The following KAZN variants were observed in gnomAD, a reference collection of about 807,000 sequenced individuals.
KAZN encodes the protein kazrin, periplakin interacting protein, also known as kazrin.
In KAZN, 40 loss-of-function variants were observed where a neutral mutation model predicts 87.4. The observed-to-expected ratio is 0.46, with a 90% CI of 0.36 to 0.60. KAZN has a LOEUF of 0.60. Among genes scored for constraint, KAZN ranks in the 20% least tolerant of loss-of-function variants. The probability of loss-of-function intolerance (pLI) is 0.00; values close to 1 mark genes in which losing one functional copy is unlikely to be tolerated. For synonymous variants in KAZN, 466 were observed against 458.3 expected, an observed-to-expected ratio of 1.02 and a Z score of -0.22; for missense variants, 898 against 1,073.9, an observed-to-expected ratio of 0.84 and a Z score of 2.29.
At chr1:14,186,578 A>G (rs1646310987) in intron 2 of KAZN, among the ~76,000 whole-genome samples, 1 of 152,128 alleles carries the variant, frequency 6.6e-6, no homozygotes, top group Admixed American at 6.5e-5. Context: ...ATCAAGATTC[A>G]AATTCTTGGA....
chr1:14,207,658 T>A (rs1571018047), intron 2 of KAZN, among the ~76,000 whole-genome samples: 1 of 152,196 alleles, frequency 6.6e-6, no homozygotes, highest in African/African-American at 2.4e-5. Context: ...CCCTTTAAAT[T>A]TGGGGGCTGG....
At chr1:14,265,527 G>A (rs867956634) in intron 2 of KAZN, among the ~76,000 whole-genome samples, 2 of 152,224 alleles carry the variant, frequency 1.3e-5, no homozygotes, top group African/African-American at 4.8e-5. Flanking sequence ...GAACAGTCAA[G>A]TGACCACAAG....
chr1:14,721,043 T>C (rs1460658154), intron 1 of KAZN, among the ~76,000 whole-genome samples: 1 of 152,174 alleles, frequency 6.6e-6, no homozygotes, highest in Non-Finnish European at 1.5e-5. Flanking sequence ...AAGAGCACTA[T>C]CTATTTAGGG....
chr1:14,530,529 A>T (rs1017117774), intron 2 of KAZN, among the ~76,000 whole-genome samples: 1 of 152,138 alleles, frequency 6.6e-6, no homozygotes, highest in East Asian at 1.9e-4. Flanking sequence ...CAAATTCCTC[A>T]TGAATGCCTT....
chr1:14,408,313 A>G (rs1664031779), intron 2 of KAZN, among the ~76,000 whole-genome samples: 1 of 152,168 alleles, frequency 6.6e-6, no homozygotes, highest in Non-Finnish European at 1.5e-5. Context: ...TGTTGTGGGC[A>G]TAGGGGGAGT....
chr1:14,157,381 T>A (rs1475205847), intron 1 of KAZN, among the ~76,000 whole-genome samples: 2 of 152,230 alleles, frequency 1.3e-5, no homozygotes, highest in Non-Finnish European at 2.9e-5. Context: ...CTGATTGAAG[T>A]ACTCTCTTTA....
intron 1 of KAZN, among the ~76,000 whole-genome samples, chr1:14,950,298 C>T (rs1662327822): frequency 5.3e-5 from 8 of 152,064 alleles, no homozygotes; most frequent in Admixed American, 5.2e-4. Context: ...CCTGTTCTTG[C>T]CTGCCTGCAA....
chr1:14,596,940 ATATACC>A (rs1203751976), upstream of KAZN, among the ~76,000 whole-genome samples: 5 of 152,224 alleles, frequency 3.3e-5, no homozygotes, highest in Admixed American at 1.3e-4. Context: ...TGTTTTGGAC[ATATACC>A]TAGGAGTGGA....
intron 2 of KAZN, among the ~76,000 whole-genome samples, chr1:14,413,487 G>C (rs1664472801): frequency 1.3e-5 from 2 of 151,354 alleles, no homozygotes; most frequent in Admixed American, 1.3e-4. Flanking sequence ...TTACTCGGGA[G>C]GCTGAGGCAG....
intron 2 of KAZN, among the ~76,000 whole-genome samples, chr1:14,288,835 C>G (rs1653460303): frequency 6.6e-6 from 1 of 152,176 alleles, no homozygotes; most frequent in South Asian, 2.1e-4. Flanking sequence ...ATAAATTTCC[C>G]TCTACACACT....
chr1:15,094,898 C>T lies in KAZN; in HGVS notation c.1512C>T (p.Ala504=), dbSNP rs1284801132. ...TGCACCGGCGCAAGCTGCGCCTGGC[C>T]ATCGAGGACTACCGTGATGCCGAGG... is the stretch of plus-strand genomic sequence containing the variant. ...SSLHRRKLRL[A]IEDYRDAEAG... The change falls in exon 10 of 15, where the codon GCC becomes GCT. Residue 504 remains alanine, a synonymous_variant. Transcript: ENST00000376030. This position sits in a 1 kb window ranked among gnomAD's most constrained non-coding sequence, Gnocchi z 4.5. The T allele has an allele frequency of 6.4e-7, 1 of 1,550,592 alleles. No individual in the cohort carries two copies. Among genetic ancestry groups the T allele is most frequent in the Admixed American group, 2.0e-5 (1 of 50,998 alleles).
chr1:14,138,709 C>T (rs528001537), intron 1 of KAZN, among the ~76,000 whole-genome samples: 44 of 152,350 alleles, frequency 2.9e-4, no homozygotes, highest in Admixed American at 2.5e-3. Context: ...CGCACCATCT[C>T]CATCCATGCC....
Position 14,707,863 on chromosome 1 carries a change from G to A in KAZN, c.226+108640G>A, listed in dbSNP as rs575956722. 5.3e-5 allele frequency among the ~76,000 whole-genome samples: 8 copies of A among 152,186 alleles called. No homozygotes were observed. In the East Asian group the frequency reaches 7.7e-4, roughly 15 times the overall value. ...TTTAATTAAATATAATTTATCCAGCGTTTACCAATGCTACATGCCAAGCAC... is the reference window on the plus strand; with the variant it reads ...TTTAATTAAATATAATTTATCCAGCATTTACCAATGCTACATGCCAAGCAC... On this transcript the variant is annotated intron_variant, in intron 1 of 14. Transcript: ENST00000376030.
chr1:15,012,783 G>A (rs530192190), intron 2 of KAZN, among the ~76,000 whole-genome samples: 4 of 152,258 alleles, frequency 2.6e-5, no homozygotes, highest in South Asian at 4.1e-4. Flanking sequence ...TTAGCCGGGC[G>A]TGGTGGTGCA....
intron 1 of KAZN, among the ~76,000 whole-genome samples, chr1:14,125,053 C>A (rs1391119643): frequency 6.6e-6 from 1 of 152,104 alleles, no homozygotes. Context: ...GGATCATCCA[C>A]GGGCATGTCT....
chr1:14,595,873 C>A (rs1676480964), upstream of KAZN, among the ~76,000 whole-genome samples: 1 of 151,580 alleles, frequency 6.6e-6, no homozygotes, highest in Non-Finnish European at 1.5e-5. Flanking sequence ...GGAAAAAAAA[C>A]TCTCAAAAAA....
chr1:14,915,802 T>C (rs1460823298), intron 1 of KAZN, among the ~76,000 whole-genome samples: 2 of 152,306 alleles, frequency 1.3e-5, no homozygotes, highest in East Asian at 1.9e-4. Context: ...AACCTGGGGA[T>C]AGGGTGGCTT....
At chr1:14,729,052 C>A (rs991651685) in intron 1 of KAZN, among the ~76,000 whole-genome samples, 2 of 152,116 alleles carry the variant, frequency 1.3e-5, no homozygotes, top group Non-Finnish European at 2.9e-5. Context: ...GTGGCCCTGG[C>A]GTGACCCTTG....
chr1:14,457,350 T>C (rs1667620303), intron 2 of KAZN, among the ~76,000 whole-genome samples: 1 of 152,198 alleles, frequency 6.6e-6, no homozygotes, highest in Non-Finnish European at 1.5e-5. Flanking sequence ...CCTTTCCCAA[T>C]TTCTCTACCA....
Sources: gnomAD v4.1 joint callset for allele counts (sites outside exome capture counted in the v4.1 genomes callset) on GRCh38, gnomAD v4.1.1 for gene constraint, Gnocchi (gnomAD v3.1) non-coding constraint, MANE v1.5 for transcripts, NCBI Gene and HGNC (gene_info 2026-07-23, HGNC 2026-07-21) for gene names.